GSE1: variants seen among roughly 807,000 people sequenced by gnomAD.
GSE1 encodes genetic suppressor element 1.
Under a neutral mutation model 112.6 loss-of-function variants are expected in GSE1, and 32 were observed. The observed-to-expected ratio is 0.28, with a 90% CI of 0.21 to 0.38. The LOEUF (loss-of-function observed/expected upper bound fraction) is 0.38. GSE1 is among the 10% of genes least tolerant of loss of function. The probability of loss-of-function intolerance (pLI) is 1.00; values close to 1 mark genes in which losing one functional copy is unlikely to be tolerated. For missense variants in GSE1, 2,348 were observed against 1,699.2 expected (o/e 1.38, Z -6.71); for synonymous variants, 1,115 against 735.6 (o/e 1.52, Z -8.35).
chr16:85,274,978 G>T (rs1307054627), intron 1 of GSE1, among the ~76,000 whole-genome samples: 1 of 152,344 alleles, frequency 6.6e-6, no homozygotes, highest in Non-Finnish European at 1.5e-5. Context: ...TCCATCAGCA[G>T]CCTTGAGGCT....
chr16:85,173,037 A>G (rs886627432), intron 1 of GSE1, among the ~76,000 whole-genome samples: 3 of 152,116 alleles, frequency 2.0e-5, no homozygotes, highest in African/African-American at 7.2e-5. Flanking sequence ...TTTTAATTGG[A>G]TGAGCACGTC....
At chr16:85,568,127 A>G (rs2045836428) in intron 1 of GSE1, among the ~76,000 whole-genome samples, 1 of 152,202 alleles carries the variant, frequency 6.6e-6, no homozygotes, top group Admixed American at 6.5e-5. Flanking sequence ...TCAGCTACAC[A>G]TGCTCCACCC....
chr16:85,215,425 A>C (rs1440269701), intron 1 of GSE1, among the ~76,000 whole-genome samples: 1 of 152,178 alleles, frequency 6.6e-6, no homozygotes, highest in African/African-American at 2.4e-5. Flanking sequence ...TGGGGGGGCC[A>C]GGGATAAAAA....
intron 2 of GSE1, among the ~76,000 whole-genome samples, chr16:85,415,753 G>C (rs1312105514): frequency 6.6e-6 from 1 of 152,250 alleles, no homozygotes; most frequent in Non-Finnish European, 1.5e-5. Flanking sequence ...CCCTGTCCTG[G>C]AGGTGCTGGC....
intron 1 of GSE1, among the ~76,000 whole-genome samples, chr16:85,218,914 C>T (rs1277076444): frequency 1.3e-5 from 2 of 152,180 alleles, no homozygotes; most frequent in Non-Finnish European, 2.9e-5. Context: ...GAGTCTGGCT[C>T]TGTGGCCCAG....
intron 2 of GSE1, among the ~76,000 whole-genome samples, chr16:85,648,319 G>A (rs977801532): frequency 2.0e-5 from 3 of 152,126 alleles, no homozygotes; most frequent in African/African-American, 4.8e-5. Flanking sequence ...AGCAGGGCCC[G>A]TGGGGCAAAG....
intron 2 of GSE1, among the ~76,000 whole-genome samples, chr16:85,503,324 G>A (rs1215650276): frequency 6.6e-6 from 1 of 152,208 alleles, no homozygotes; most frequent in African/African-American, 2.4e-5. Context: ...AGGAGGGAAG[G>A]GTGTGGGCAG....
chr16:85,329,934 G>A (rs1417827147), intron 1 of GSE1, among the ~76,000 whole-genome samples: 2 of 149,216 alleles, frequency 1.3e-5, no homozygotes, highest in East Asian at 2.0e-4. Flanking sequence ...CAAGAGGCTG[G>A]TGGGGGGGCA....
chr16:85,641,719 T>G (rs1408338829), intron 2 of GSE1, among the ~76,000 whole-genome samples: 1 of 152,210 alleles, frequency 6.6e-6, no homozygotes, highest in East Asian at 1.9e-4. Flanking sequence ...GGGGGGCTGA[T>G]TGGCTCTTTC....
In GSE1 at chr16:85,515,320, A is replaced by G. The variant is rs139117885; in HGVS notation, c.2465-118594A>G. Among the ~76,000 whole-genome samples, 1,302 of 152,334 alleles carry G rather than the reference A, an allele frequency of 8.5e-3. 17 individuals are homozygous for G. Among genetic ancestry groups the G allele is most frequent in the African/African-American group, 0.03 (1,253 of 41,590 alleles). On this transcript the variant is annotated intron_variant, in intron 2 of 2. Transcript: ENST00000637419. ...GCCAGGAGGGGCCTGGTCTCAGCCC[A>G]CGCTCTCCTGAGGCTCCTCCTGCCA...
chr16:85,485,606 G>C (rs1723414068), intron 2 of GSE1, among the ~76,000 whole-genome samples: 1 of 152,268 alleles, frequency 6.6e-6, no homozygotes, highest in South Asian at 2.1e-4. Flanking sequence ...TAATGAGCCT[G>C]CTCGCACCAT....
At chr16:85,493,344 G>T (rs1333875740) in intron 2 of GSE1, among the ~76,000 whole-genome samples, 1 of 152,028 alleles carries the variant, frequency 6.6e-6, no homozygotes, top group Non-Finnish European at 1.5e-5. Context: ...TACTTGGGAG[G>T]CCAAGGCAGG....
intron 1 of GSE1, among the ~76,000 whole-genome samples, chr16:85,175,091 C>T (rs2074434363): frequency 1.3e-5 from 2 of 152,132 alleles, no homozygotes; most frequent in Admixed American, 1.3e-4. Flanking sequence ...CATGCGTTAG[C>T]GAATCAGCTT....
intron 1 of GSE1, among the ~76,000 whole-genome samples, chr16:85,247,766 G>A (rs1020973831): frequency 1.6e-4 from 24 of 152,232 alleles, no homozygotes; most frequent in African/African-American, 5.1e-4. Context: ...GAGGGAACGC[G>A]GGGAGGGAGG....
intron 4 of GSE1, 42 bp from the exon 5 acceptor site, chr16:85,654,752 G>T: frequency 5.4e-6 from 7 of 1,285,028 alleles, no homozygotes; most frequent in East Asian, 2.4e-5. Flanking sequence ...GAGCAGGTGT[G>T]CACTCACCTG....
At chr16:85,662,425 TG>T (rs767922253) in intron 9 of GSE1, 16 of 153,440 alleles carry the variant, frequency 1.0e-4, no homozygotes, top group Middle Eastern at 6.7e-3. Context: ...CAATAGAAGC[TG>T]GGGCACAGGC....
intron 2 of GSE1, among the ~76,000 whole-genome samples, chr16:85,465,821 A>G (rs772024913): frequency 9.9e-5 from 15 of 152,260 alleles, no homozygotes; most frequent in Non-Finnish European, 4.4e-5. Flanking sequence ...GCTACTGAGT[A>G]TGTAGTAGGT....
chr16:85,398,837 G>A (rs1015325855), intron 2 of GSE1, among the ~76,000 whole-genome samples: 1 of 152,104 alleles, frequency 6.6e-6, no homozygotes, highest in Non-Finnish European at 1.5e-5. Context: ...ATGTGTACAC[G>A]TGCACATGTG....
chr16:85,489,502 A>T (rs2050942899), intron 2 of GSE1, among the ~76,000 whole-genome samples: 3 of 151,836 alleles, frequency 2.0e-5, no homozygotes, highest in South Asian at 4.2e-4. Context: ...AGGAGCAGGG[A>T]CTGTGCAGCC....
Sources: gnomAD v4.1 joint callset for allele counts (sites outside exome capture counted in the v4.1 genomes callset) on GRCh38, gnomAD v4.1.1 for gene constraint, MANE v1.5 for transcripts, NCBI Gene and HGNC (gene_info 2026-07-23, HGNC 2026-07-21) for gene names.